AAK1: variants seen among roughly 807,000 people sequenced by gnomAD.
The protein encoded by AAK1 is AP2-associated protein kinase 1.
In AAK1, 37 loss-of-function variants were observed where a neutral mutation model predicts 116.0. The ratio of observed to expected loss-of-function variants is 0.32; its 90% CI spans 0.25 to 0.42. AAK1 has a LOEUF of 0.42. Ranked by LOEUF, AAK1 falls within the 10% of genes least tolerant of loss-of-function variation. The pLI is 1.00. For synonymous variants in AAK1, 458 were observed against 439.9 expected (o/e 1.04, Z -0.51); for missense variants, 919 against 1,170.6 (o/e 0.79, Z 3.14).
intron 2 of AAK1, among the ~76,000 whole-genome samples, chr2:69,591,501 TTTTTTTTC>T (rs921950777): frequency 1.3e-5 from 2 of 149,802 alleles, no homozygotes; most frequent in African/African-American, 4.9e-5. Flanking sequence ...GTTCTATAAT[TTTTTTTTC>T]TTTTTTTCTT....
chr2:69,573,448 C>T (rs1672169033), intron 2 of AAK1, among the ~76,000 whole-genome samples: 4 of 152,164 alleles, frequency 2.6e-5, no homozygotes, highest in African/African-American at 9.7e-5. Flanking sequence ...ACCCAAGTAT[C>T]TAATGCTAGT....
Position 69,505,672 on chromosome 2 carries a change from G to A in AAK1, c.2166C>T (p.Gly722=), listed in dbSNP as rs1676156217. ...AGCCTCCAAGCTTCTCGGGATGTTT[G>A]CCTGGAGAGACAAAACACCACTCAG... ...LNKDFAKLGE[G]KHPEKLGGSA... Residue 722 remains glycine, a splice_region_variant and synonymous_variant, in exon 16 of 22, where the codon GGC becomes GGT. Transcript: ENST00000409085. The A allele has an allele frequency of 6.2e-7, 1 of 1,612,694 alleles. No individual in the cohort carries two copies.
chr2:69,530,631 G>A lies in AAK1; in HGVS notation c.732C>T (p.Asp244=). The change falls in exon 7 of 22, where the codon GAC becomes GAT. Residue 244 remains aspartate (D), a synonymous_variant. Coordinates refer to ENST00000409085, the MANE Select transcript of AAK1 (RefSeq NM_014911.5). Reference sequence around the variant, plus strand: ...TAGGTTACCTGACACCTACCCAAATGTCTGCCTTCGTAGTGATGATTTTGC... The same window carrying A: ...TAGGTTACCTGACACCTACCCAAATATCTGCCTTCGTAGTGATGATTTTGC... The part of the protein sequence containing the change: ...YSGKIITTKA[D]IWALGCLLYK... The A allele has an allele frequency of 6.2e-7, 1 of 1,613,192 alleles. No homozygotes were observed. Among genetic ancestry groups the A allele is most frequent in the Non-Finnish European group, 8.5e-7 (1 of 1,179,278 alleles).
At chr2:69,607,472 G>C (rs1673860535) in intron 2 of AAK1, among the ~76,000 whole-genome samples, 1 of 152,078 alleles carries the variant, frequency 6.6e-6, no homozygotes, top group African/African-American at 2.4e-5. Context: ...TTTCCCATGA[G>C]TATTTGGTTA....
chr2:69,606,717 A>G (rs2105207167), intron 2 of AAK1, among the ~76,000 whole-genome samples: 1 of 152,292 alleles, frequency 6.6e-6, no homozygotes, highest in East Asian at 1.9e-4. Context: ...ATCTGCCCTC[A>G]TGGAGCTTGC....
chr2:69,631,443 A>T (rs564040637), intron 2 of AAK1, among the ~76,000 whole-genome samples: 1 of 152,256 alleles, frequency 6.6e-6, no homozygotes, highest in Non-Finnish European at 1.5e-5. Flanking sequence ...AATAGATACC[A>T]TGAGCTCTTT....
intron 2 of AAK1, among the ~76,000 whole-genome samples, chr2:69,625,528 A>G (rs950840162): frequency 1.3e-5 from 2 of 152,180 alleles, no homozygotes; most frequent in African/African-American, 4.8e-5. Context: ...TTTACCATCT[A>G]GTCCTCATTT....
At chr2:69,551,924 G>A (rs986499507) in intron 3 of AAK1, among the ~76,000 whole-genome samples, 1 of 152,200 alleles carries the variant, frequency 6.6e-6, no homozygotes, top group East Asian at 1.9e-4. Context: ...TGGATGCAAC[G>A]TGCCCGTTGT....
rs141953179 is a variant in AAK1 at position 69,581,736 on chromosome 2, G to A, written c.164-24758C>T. 8.5e-3 allele frequency among the ~76,000 whole-genome samples: 1,288 copies of A among 152,228 alleles called. 15 individuals carry two copies. Among genetic ancestry groups the A allele is most frequent in the African/African-American group, 0.03 (1,234 of 41,526 alleles). On this transcript the variant is annotated intron_variant, in intron 2 of 21. Transcript: ENST00000409085. ...TCATGCCTATAATCCCAGCACTTTG[G>A]GAGGCTGAAGTGGGAAGATCACTTG... is the stretch of plus-strand genomic sequence containing the variant.
chr2:69,631,986 C>A (rs1050654325), intron 2 of AAK1, among the ~76,000 whole-genome samples: 1 of 151,706 alleles, frequency 6.6e-6, no homozygotes, highest in Non-Finnish European at 1.5e-5. Context: ...ATAAAGTATA[C>A]ATAATAGGCT....
At chr2:69,569,315 TA>T in intron 2 of AAK1, among the ~76,000 whole-genome samples, 1 of 152,212 alleles carries the variant, frequency 6.6e-6, no homozygotes, top group Non-Finnish European at 1.5e-5. Context: ...CTACAAGTAT[TA>T]ACATTTTGCT....
chr2:69,520,536 T>C (rs1199217232), intron 11 of AAK1, among the ~76,000 whole-genome samples: 2 of 146,170 alleles, frequency 1.4e-5, no homozygotes, highest in Admixed American at 6.7e-5. Flanking sequence ...TTTTTTGTAC[T>C]TTTTTTTTTG....
At chr2:69,613,371 T>C (rs1469178535) in intron 2 of AAK1, among the ~76,000 whole-genome samples, 1 of 151,176 alleles carries the variant, frequency 6.6e-6, no homozygotes, top group Non-Finnish European at 1.5e-5. Context: ...TCTTAGCCCC[T>C]GTTTCCTAAC....
intron 5 of AAK1, among the ~76,000 whole-genome samples, chr2:69,537,971 A>G (rs1670547191): frequency 6.6e-6 from 1 of 152,250 alleles, no homozygotes; most frequent in East Asian, 1.9e-4. Flanking sequence ...AATTGGCAGC[A>G]TGCCTGATGA....
chr2:69,489,179 TGGGG>T, intron 17 of AAK1, among the ~76,000 whole-genome samples: 1 of 150,998 alleles, frequency 6.6e-6, no homozygotes, highest in Non-Finnish European at 1.5e-5. Context: ...AAGCCGGCTA[TGGGG>T]CTCACCCCTG....
Position 69,468,337 on chromosome 2 carries a change from G to A in AAK1, c.*7532C>T. 1.0e-6 allele frequency: 1 copy of A among 985,336 alleles called. No individual in the cohort carries two copies. The highest frequency in any genetic ancestry group is 1.2e-6 in the Non-Finnish European group (1 of 829,890). 61.0% of individuals were successfully genotyped at this position (985,336 alleles called of 1,614,324 possible). A position where few individuals can be genotyped will look rare whatever the true frequency, so the allele number is the denominator to read the frequency against. ...TGGGAGGAAATTCAAATAAAAGGGAGAAAAATAAGTTTTCCAAAATAAGGT... is the reference window on the plus strand; with the variant it reads ...TGGGAGGAAATTCAAATAAAAGGGAAAAAAATAAGTTTTCCAAAATAAGGT... On this transcript the variant is annotated 3_prime_UTR_variant, in exon 22 of 22. Transcript: ENST00000409085.
At chr2:69,530,556 C>T in intron 7 of AAK1, 69 bp downstream of exon 7, 1 of 1,291,312 alleles carries the variant, frequency 7.7e-7, no homozygotes, top group Non-Finnish European at 1.1e-6. Flanking sequence ...GCGCTGTGTG[C>T]ATTAACCTTG....
At chr2:69,501,623 A>G (rs964064493) in intron 16 of AAK1, among the ~76,000 whole-genome samples, 1 of 152,234 alleles carries the variant, frequency 6.6e-6, no homozygotes, top group Admixed American at 6.5e-5. Flanking sequence ...TTTTTAAAAA[A>G]GAATTTTAAA....
intron 17 of AAK1, among the ~76,000 whole-genome samples, chr2:69,493,616 CTGATACAGG>C (rs1203300279): frequency 6.6e-6 from 1 of 152,152 alleles, no homozygotes; most frequent in South Asian, 2.1e-4. Context: ...GTTGGCACAG[CTGATACAGG>C]TGATGAATAA....
Sources: allele counts gnomAD v4.1 joint callset (sites outside exome capture counted in the v4.1 genomes callset), GRCh38; gene constraint gnomAD v4.1.1; transcripts MANE v1.5; gene names NCBI Gene and HGNC (gene_info 2026-07-23, HGNC 2026-07-21).